Variants in CDC42BPA observed in about 807,000 individuals in gnomAD.
CDC42BPA encodes the protein serine/threonine-protein kinase MRCK alpha.
A neutral mutation model predicts 223.5 loss-of-function variants in CDC42BPA; 80 were observed. That is an observed-to-expected ratio of 0.36 (90% CI 0.30 to 0.43). The LOEUF is 0.43. Among genes scored for constraint, CDC42BPA ranks in the 20% least tolerant of loss-of-function variants. The pLI is 1.00. For missense variants in CDC42BPA, 1,743 were observed against 2,099.9 expected, an observed-to-expected ratio of 0.83 and a Z score of 3.32; for synonymous variants, 694 against 718.6, an observed-to-expected ratio of 0.97 and a Z score of 0.55.
rs1259883324 is a variant in CDC42BPA at position 227,306,143 on chromosome 1, T to TG, written c.178+10861_178+10862insC. On this transcript the variant is annotated intron_variant, in intron 1 of 36. Transcript: ENST00000366766. ...AAAGGATCATGTTCTAAGTGGTTTT[T>TG]TTTTTTTTTTTTTGCTTCCTTCTAC... Among the ~76,000 whole-genome samples, 6 of 72,920 alleles carry TG rather than the reference T, an allele frequency of 8.2e-5. No individual in the cohort carries two copies. The South Asian group carries it at 2.3e-3, about 28-fold the overall frequency. The allele number at this position is 72,920 out of a possible 152,430, so 47.8% of individuals were successfully genotyped here. A position where few individuals can be genotyped will look rare whatever the true frequency, so the allele number is the denominator to read the frequency against.
At chr1:227,163,715 A>T in intron 5 of CDC42BPA, among the ~76,000 whole-genome samples, 1 of 121,698 alleles carries the variant, frequency 8.2e-6, no homozygotes, top group Non-Finnish European at 1.8e-5. Context: ...ATTGTTTTTA[A>T]TGTCCTTCTT....
intron 6 of CDC42BPA, among the ~76,000 whole-genome samples, chr1:227,153,989 T>C (rs1235391816): frequency 2.0e-5 from 3 of 151,902 alleles, no homozygotes; most frequent in African/African-American, 4.8e-5. Flanking sequence ...GTCTGAGATA[T>C]GACCAATGTC....
chr1:227,038,265 C>G (rs560941596), intron 24 of CDC42BPA, among the ~76,000 whole-genome samples: 1 of 152,316 alleles, frequency 6.6e-6, no homozygotes, highest in South Asian at 2.1e-4. Context: ...GCTCCTCTTT[C>G]ACCTTCCACC....
chr1:227,045,420 TCACA>T (rs1240890840), intron 23 of CDC42BPA, among the ~76,000 whole-genome samples: 1 of 152,198 alleles, frequency 6.6e-6, no homozygotes, highest in Non-Finnish European at 1.5e-5. Flanking sequence ...TCTTGAAAAC[TCACA>T]CAATGATGTG....
intron 12 of CDC42BPA, among the ~76,000 whole-genome samples, chr1:227,115,401 A>G (rs1687615535): frequency 6.6e-6 from 1 of 151,370 alleles, no homozygotes; most frequent in African/African-American, 2.4e-5. Context: ...GCCTTCTATA[A>G]GAGAGTCTCA....
chr1:227,275,970 C>T (rs1303075172), intron 1 of CDC42BPA, among the ~76,000 whole-genome samples: 2 of 135,562 alleles, frequency 1.5e-5, no homozygotes, highest in Non-Finnish European at 3.2e-5. Flanking sequence ...ACCTCCCAGC[C>T]ACCTGCCTTG....
intron 1 of CDC42BPA, among the ~76,000 whole-genome samples, chr1:227,261,515 A>G (rs1684065512): frequency 6.8e-6 from 1 of 146,248 alleles, no homozygotes; most frequent in Admixed American, 6.6e-5. Context: ...ACAAATACAC[A>G]TAGAAATGCT....
At chr1:227,294,416 A>T (rs1690249685) in intron 1 of CDC42BPA, among the ~76,000 whole-genome samples, 1 of 152,186 alleles carries the variant, frequency 6.6e-6, no homozygotes, top group Admixed American at 6.5e-5. Flanking sequence ...AATGGTAATG[A>T]TAACTAACAT....
At chr1:227,257,802 A>T (rs1435566790) in intron 1 of CDC42BPA, among the ~76,000 whole-genome samples, 9 of 150,806 alleles carry the variant, frequency 6.0e-5, no homozygotes, top group African/African-American at 2.2e-4. Flanking sequence ...CAAGTTTGAC[A>T]AGGTGGGTGA....
intron 4 of CDC42BPA, 21 bp downstream of exon 4, chr1:227,199,535 GA>G (rs1216560809): frequency 1.1e-5 from 15 of 1,306,580 alleles, no homozygotes; most frequent in Non-Finnish European, 1.7e-5. Flanking sequence ...ACAGTATATA[GA>G]AATACAAAAA....
At chr1:227,015,924 T>C (rs1344087472) in intron 34 of CDC42BPA, among the ~76,000 whole-genome samples, 156 bp downstream of exon 34, 1 of 152,224 alleles carries the variant, frequency 6.6e-6, no homozygotes, top group Non-Finnish European at 1.5e-5. Context: ...TCATCAGGTA[T>C]GTCATCATGT....
In CDC42BPA at chr1:227,109,592, C is replaced by A. The variant is rs549601143; in HGVS notation, c.2001+2720G>T. ...TGTTGGCCAGGCTGGTCTCAAACTC[C>A]TGGCCTCCAGTGATCCACCTACCTC... On this transcript the variant is annotated intron_variant, in intron 14 of 36. Coordinates refer to ENST00000366766, the MANE Select transcript of CDC42BPA (RefSeq NM_001394014.1). Among the ~76,000 whole-genome samples, 15 of 152,224 alleles carry A rather than the reference C, an allele frequency of 9.9e-5. No homozygotes were observed. The East Asian group carries it at 2.7e-3, about 27-fold the overall frequency.
Position 227,317,032 on chromosome 1 carries a change from T to C in CDC42BPA, c.151A>G (p.Lys51Glu). Residue 51 changes from lysine to glutamate, a missense_variant, in exon 1 of 37, where the codon AAG (lysine) becomes GAG (glutamate). Lys to Glu is a moderately conservative substitution (Grantham distance 56, BLOSUM62 1). Transcript: ENST00000366766. Reference protein sequence around the residue: ...ECNNSPLRREKNILEYLEWAK... With the variant: ...ECNNSPLRREENILEYLEWAK... ...CATTCTAGGTATTCGAGAATGTTCTTCTCTCTTCTCAATGGAGAATTATTG... is the reference window on the plus strand; with the variant it reads ...CATTCTAGGTATTCGAGAATGTTCTCCTCTCTTCTCAATGGAGAATTATTG... 5 of 1,613,636 alleles carry C rather than the reference T, an allele frequency of 3.1e-6. No homozygotes were observed. The highest frequency in any genetic ancestry group is 3.4e-6 in the Non-Finnish European group (4 of 1,179,610).
intron 34 of CDC42BPA, among the ~76,000 whole-genome samples, chr1:227,011,775 A>AGAACTAC (rs1216085450): frequency 6.6e-6 from 1 of 152,214 alleles, no homozygotes; most frequent in Admixed American, 6.5e-5. Flanking sequence ...TAGAGATAAA[A>AGAACTAC]GAACTACTTC....
rs1416531677 is a variant in CDC42BPA at position 227,297,952 on chromosome 1, G to GTATA, written c.178+19052_178+19053insTATA. Among the ~76,000 whole-genome samples the GTATA allele has an allele frequency of 6.2e-5, 5 of 80,902 alleles. No homozygotes were observed. The South Asian group carries it at 1.5e-3, about 25-fold the overall frequency. The allele number at this position is 80,902 out of a possible 152,430, so 53.1% of individuals were successfully genotyped here. A position where few individuals can be genotyped will look rare whatever the true frequency, so the allele number is the denominator to read the frequency against. On this transcript the variant is annotated intron_variant, in intron 1 of 36. Transcript: ENST00000366766. Reference sequence around the variant, plus strand: ...CAAATTTTGTTTTATGTGTGTGTGTGTGTATATATACATATACACACACAC... The same window carrying GTATA: ...CAAATTTTGTTTTATGTGTGTGTGTGTATATGTATATATACATATACACACACAC...
intron 23 of CDC42BPA, among the ~76,000 whole-genome samples, chr1:227,040,988 G>A (rs1015401729): frequency 1.3e-5 from 2 of 152,014 alleles, no homozygotes; most frequent in African/African-American, 2.4e-5. Context: ...ATTCTGTTGT[G>A]TGAACTTAGG....
At chr1:227,032,974 GTAAC>G (rs1669578259) in intron 27 of CDC42BPA, among the ~76,000 whole-genome samples, 4 of 152,194 alleles carry the variant, frequency 2.6e-5, no homozygotes, top group Non-Finnish European at 5.9e-5. Flanking sequence ...AAAGCAGTAA[GTAAC>G]AAACGCATTA....
intron 34 of CDC42BPA, among the ~76,000 whole-genome samples, chr1:227,009,308 T>TACCTTTCAAGGTACA (rs2148417832): frequency 6.6e-6 from 1 of 152,316 alleles, no homozygotes; most frequent in Non-Finnish European, 1.5e-5. Context: ...AAGGTACAAA[T>TACCTTTCAAGGTACA]ATGTATAAGA....
At chr1:227,225,913 A>AC (rs1676782684) in intron 2 of CDC42BPA, among the ~76,000 whole-genome samples, 1 of 152,208 alleles carries the variant, frequency 6.6e-6, no homozygotes, top group South Asian at 2.1e-4. Context: ...ATGCTGCTCT[A>AC]CTTCCCTTTT....
Sources: gnomAD v4.1 joint callset for allele counts (sites outside exome capture counted in the v4.1 genomes callset) on GRCh38, gnomAD v4.1.1 for gene constraint, MANE v1.5 for transcripts, NCBI Gene and HGNC (gene_info 2026-07-23, HGNC 2026-07-21) for gene names.